IQCM: variants seen among roughly 807,000 people sequenced by gnomAD.
IQCM encodes the protein IQ motif containing M.
A neutral mutation model predicts 57.6 loss-of-function variants in IQCM; 45 were observed. The observed-to-expected ratio is 0.78, with a 90% CI of 0.62 to 1.00. IQCM has a LOEUF of 1.00. Among genes scored for constraint, IQCM ranks in the 50% least tolerant of loss-of-function variants. The pLI, the probability that IQCM is intolerant of heterozygous loss-of-function variation, is 0.00. For missense variants in IQCM, 468 were observed against 511.6 expected (o/e 0.91, Z 0.82); for synonymous variants, 148 against 158.9 (o/e 0.93, Z 0.51).
chr4:149,396,598 C>T (rs1169486880), intron 13 of IQCM, among the ~76,000 whole-genome samples: 1 of 151,940 alleles, frequency 6.6e-6, no homozygotes, highest in Non-Finnish European at 1.5e-5. Flanking sequence ...GGTTTACCCT[C>T]TTGACAAATT....
intron 5 of IQCM, among the ~76,000 whole-genome samples, chr4:149,729,907 C>T (rs1186365353): frequency 6.6e-6 from 1 of 152,098 alleles, no homozygotes; most frequent in Admixed American, 6.6e-5. Context: ...TCTCTCTATG[C>T]CCATTCATTT....
intron 12 of IQCM, among the ~76,000 whole-genome samples, chr4:149,544,476 T>C (rs2149885138): frequency 6.6e-6 from 1 of 152,244 alleles, no homozygotes; most frequent in African/African-American, 2.4e-5. Context: ...AATATGCCTA[T>C]ACTACCAAAA....
intron 13 of IQCM, among the ~76,000 whole-genome samples, chr4:149,431,093 T>C (rs1403914546): frequency 1.3e-5 from 2 of 151,846 alleles, no homozygotes; most frequent in African/African-American, 2.4e-5. Flanking sequence ...TAATCCCAGC[T>C]TCTTGGGTGG....
At chr4:149,649,897 C>T (rs1192088787) in intron 7 of IQCM, among the ~76,000 whole-genome samples, 2 of 152,118 alleles carry the variant, frequency 1.3e-5, no homozygotes, top group Non-Finnish European at 2.9e-5. Context: ...ACAAGGAAAT[C>T]CACGTCTCAA....
At chr4:149,676,563 T>C (rs1315647621) in intron 7 of IQCM, among the ~76,000 whole-genome samples, 1 of 151,992 alleles carries the variant, frequency 6.6e-6, no homozygotes, top group African/African-American at 2.4e-5. Context: ...AATGAAGAAA[T>C]TGAGTCACAG....
At chr4:149,628,711 T>C (rs1757011178) in intron 7 of IQCM, among the ~76,000 whole-genome samples, 1 of 152,160 alleles carries the variant, frequency 6.6e-6, no homozygotes, top group Admixed American at 6.5e-5. Flanking sequence ...GGGGTAAGTT[T>C]ATTAAAAGAG....
rs1030818552 is a variant in IQCM at position 149,537,842 on chromosome 4, G to T, written c.1228+10613C>A. ...AATGCTGACTGAAAAATAAAAAATTGGCAACCAAGAATTCTATATCCAGCA... is the reference window on the plus strand; with the variant it reads ...AATGCTGACTGAAAAATAAAAAATTTGCAACCAAGAATTCTATATCCAGCA... On this transcript the variant is annotated intron_variant, in intron 12 of 13. Transcript: ENST00000636793. 5.3e-5 allele frequency among the ~76,000 whole-genome samples: 8 copies of T among 151,592 alleles called. 1 individual carries two copies. In the South Asian group the frequency reaches 1.2e-3, roughly 24 times the overall value.
chr4:149,550,500 G>A (rs1352095582), intron 11 of IQCM, among the ~76,000 whole-genome samples: 1 of 152,100 alleles, frequency 6.6e-6, no homozygotes, highest in Non-Finnish European at 1.5e-5. Context: ...TTTCTCACAA[G>A]ATAATATTGA....
chr4:149,739,466 AATT>A (rs1211400347), intron 3 of IQCM, among the ~76,000 whole-genome samples: 76 of 99,582 alleles, frequency 7.6e-4, no homozygotes, highest in African/African-American at 1.2e-3. Flanking sequence ...GTGTTTATAT[AATT>A]TTTTTTTTTT....
chr4:149,637,162 G>GAAA (rs1021089498), intron 7 of IQCM, among the ~76,000 whole-genome samples: 1 of 99,450 alleles, frequency 1.0e-5, no homozygotes. Context: ...AAAAAAAAAA[G>GAAA]AAAAAAAAAA....
intron 5 of IQCM, among the ~76,000 whole-genome samples, chr4:149,692,902 C>A (rs759439050): frequency 1.1e-4 from 16 of 151,054 alleles, no homozygotes; most frequent in Non-Finnish European, 2.2e-4. Flanking sequence ...GAGACCAGGG[C>A]AAAAAAACAG....
chr4:149,803,372 T>C (rs939303594), intron 2 of IQCM, among the ~76,000 whole-genome samples: 1 of 152,040 alleles, frequency 6.6e-6, no homozygotes, highest in Admixed American at 6.6e-5. Flanking sequence ...TCTGCTCCTT[T>C]TTCATTTATT....
intron 9 of IQCM, among the ~76,000 whole-genome samples, chr4:149,574,020 G>A (rs1263518591): frequency 6.6e-6 from 1 of 151,764 alleles, no homozygotes; most frequent in Non-Finnish European, 1.5e-5. Flanking sequence ...TTTGTTTCAG[G>A]AGTATTGAAA....
At chr4:149,804,204 C>G (rs1773872147) in intron 2 of IQCM, among the ~76,000 whole-genome samples, 1 of 152,004 alleles carries the variant, frequency 6.6e-6, no homozygotes, top group South Asian at 2.1e-4. Flanking sequence ...TATTTCAAAA[C>G]AGTTACTTTC....
chr4:149,382,054 C>G (rs72724065), intron 13 of IQCM, among the ~76,000 whole-genome samples: 1 of 152,000 alleles, frequency 6.6e-6, no homozygotes, highest in Non-Finnish European at 1.5e-5. Flanking sequence ...CATGAGCCAT[C>G]GTGCCTGGCC....
intron 13 of IQCM, among the ~76,000 whole-genome samples, chr4:149,366,722 G>A (rs1729868648): frequency 6.6e-6 from 1 of 151,658 alleles, no homozygotes; most frequent in Non-Finnish European, 1.5e-5. Flanking sequence ...GAAGATTTAG[G>A]GGATGTGTTG....
At chr4:149,704,351 T>C (rs553217979) in intron 5 of IQCM, among the ~76,000 whole-genome samples, 2 of 152,004 alleles carry the variant, frequency 1.3e-5, no homozygotes, top group African/African-American at 4.8e-5. Flanking sequence ...AACCACGGTC[T>C]GGGCCTAATC....
chr4:149,630,426 TA>T (rs2150091772), intron 7 of IQCM, among the ~76,000 whole-genome samples: 1 of 152,300 alleles, frequency 6.6e-6, no homozygotes, highest in South Asian at 2.1e-4. Flanking sequence ...AACAGTGAAG[TA>T]TAGGTTTCTA....
At chr4:149,550,817 T>C (rs1258265960) in intron 11 of IQCM, among the ~76,000 whole-genome samples, 2 of 152,230 alleles carry the variant, frequency 1.3e-5, no homozygotes, top group African/African-American at 4.8e-5. Flanking sequence ...TCTGTCTCTA[T>C]TGAGTTACTT....
Sources: allele counts gnomAD v4.1 joint callset (sites outside exome capture counted in the v4.1 genomes callset), GRCh38; gene constraint gnomAD v4.1.1; transcripts MANE v1.5; gene names NCBI Gene and HGNC (gene_info 2026-07-23, HGNC 2026-07-21).